The following SLC4A4 variants were observed in gnomAD, a reference collection of about 807,000 sequenced individuals.
The protein encoded by SLC4A4 is solute carrier family 4 member 4, also known as electrogenic sodium bicarbonate cotransporter 1.
SLC4A4 carries 27 observed loss-of-function variants against 111.5 expected under a neutral mutation model. That is an observed-to-expected ratio of 0.24 (90% CI 0.18 to 0.33). The LOEUF (loss-of-function observed/expected upper bound fraction) is 0.33. SLC4A4 is among the 10% of genes least tolerant of loss of function. SLC4A4 has a pLI of 1.00. For missense variants in SLC4A4, 909 were observed against 1,315.5 expected, an observed-to-expected ratio of 0.69 and a Z score of 4.78; for synonymous variants, 443 against 463.4, an observed-to-expected ratio of 0.96 and a Z score of 0.57.
intron 7 of SLC4A4, among the ~76,000 whole-genome samples, chr4:71,398,425 A>G (rs999123834): frequency 1.3e-5 from 2 of 152,214 alleles, no homozygotes; most frequent in Non-Finnish European, 2.9e-5. Flanking sequence ...AGTTGAATGA[A>G]GAGCAATCAG....
chr4:71,484,238 A>T (rs909544528), intron 14 of SLC4A4, among the ~76,000 whole-genome samples: 1 of 151,780 alleles, frequency 6.6e-6, no homozygotes, highest in Non-Finnish European at 1.5e-5. Flanking sequence ...TTTGTCATGA[A>T]ATCTTTTCCC....
At chr4:71,226,398 A>T (rs1560792699) in intron 1 of SLC4A4, among the ~76,000 whole-genome samples, 1 of 152,210 alleles carries the variant, frequency 6.6e-6, no homozygotes, top group African/African-American at 2.4e-5. Flanking sequence ...TTTATTTAGA[A>T]TCAAATATGT....
At chr4:71,437,761 A>G in intron 7 of SLC4A4, 1 of 286,326 alleles carries the variant, frequency 3.5e-6, no homozygotes, top group Non-Finnish European at 6.9e-6. Context: ...GGCAAGTTCA[A>G]GCTTGACAGT....
At chr4:71,073,651 C>T (rs758046631) in intron 1 of SLC4A4, among the ~76,000 whole-genome samples, 22 of 152,042 alleles carry the variant, frequency 1.4e-4, no homozygotes, top group Admixed American at 8.5e-4. Context: ...GTATGTTTCC[C>T]TCCACTGGAA....
At chr4:71,416,624 A>G (rs942139827) in intron 7 of SLC4A4, among the ~76,000 whole-genome samples, 2 of 152,154 alleles carry the variant, frequency 1.3e-5, no homozygotes, top group African/African-American at 2.4e-5. Flanking sequence ...TGAGAATTTA[A>G]TAAGATGATG....
chr4:71,251,864 C>G (rs189205607), intron 2 of SLC4A4, among the ~76,000 whole-genome samples: 24 of 152,102 alleles, frequency 1.6e-4, no homozygotes, highest in African/African-American at 4.3e-4. Flanking sequence ...CTAAAAAGTT[C>G]TGTATAAGAA....
intron 6 of SLC4A4, among the ~76,000 whole-genome samples, chr4:71,363,952 C>G (rs1731025626): frequency 6.6e-6 from 1 of 152,178 alleles, no homozygotes. Context: ...TCATCAGGCA[C>G]CATTCTTATT....
chr4:71,083,612 G>A (rs1329927980), intron 1 of SLC4A4, among the ~76,000 whole-genome samples: 1 of 151,958 alleles, frequency 6.6e-6, no homozygotes. Flanking sequence ...AAAGTTATGA[G>A]CCCTGAAACG....
At chr4:71,419,143 G>C (rs1046463038) in intron 7 of SLC4A4, among the ~76,000 whole-genome samples, 1 of 152,216 alleles carries the variant, frequency 6.6e-6, no homozygotes, top group Non-Finnish European at 1.5e-5. Context: ...GGGGTCAGGG[G>C]TCAGGGACAC....
Position 71,081,430 on chromosome 4 carries a change from C to T in SLC4A4, c.-64-11300C>T, listed in dbSNP as rs539921036. The stretch of plus-strand genomic sequence containing the variant: ...CAATGAAAACTGTGATGCTGTCACA[C>T]TGGTCTCACTGCAGCTGTGCTGGTG... On this transcript the variant is annotated intron_variant, in intron 1 of 26. Coordinates refer to the SLC4A4 transcript ENST00000649996. Among the ~76,000 whole-genome samples, 26 of 152,312 alleles carry T rather than the reference C, an allele frequency of 1.7e-4. No homozygotes were observed. In the South Asian group the frequency reaches 5.2e-3, roughly 30 times the overall value.
At chr4:71,566,902 A>T in intron 24 of SLC4A4, 102 bp from the exon 25 acceptor site, 1 of 860,636 alleles carries the variant, frequency 1.2e-6, no homozygotes, top group Non-Finnish European at 1.9e-6. Context: ...TGTCTTTTTT[A>T]CTCTTACCAG....
intron 9 of SLC4A4, among the ~76,000 whole-genome samples, chr4:71,448,528 G>A (rs893881946): frequency 4.0e-5 from 6 of 151,898 alleles, no homozygotes; most frequent in African/African-American, 1.2e-4. Flanking sequence ...TTCTTATTTC[G>A]TGGGAAGGAA....
intron 1 of SLC4A4, among the ~76,000 whole-genome samples, chr4:71,086,293 G>A (rs1742169655): frequency 6.8e-6 from 1 of 147,600 alleles, no homozygotes; most frequent in South Asian, 2.1e-4. Context: ...ATCAGCTTAA[G>A]GAGATTTTGG....
chr4:71,464,927 C>T (rs980292550), intron 12 of SLC4A4, among the ~76,000 whole-genome samples: 2 of 152,096 alleles, frequency 1.3e-5, no homozygotes, highest in Non-Finnish European at 2.9e-5. Context: ...ACAATTTCTT[C>T]ATAATCATTT....
intron 1 of SLC4A4, among the ~76,000 whole-genome samples, chr4:71,091,183 G>T (rs1207898539): frequency 6.6e-6 from 1 of 151,958 alleles, no homozygotes; most frequent in Admixed American, 6.6e-5. Context: ...CCTGGCCTCA[G>T]GTGATCCACC....
At chr4:71,195,230 G>GT (rs66527038) in intron 1 of SLC4A4, among the ~76,000 whole-genome samples, 4,961 of 92,978 alleles carry the variant, frequency 0.053, 143 homozygotes, top group East Asian at 0.094. Context: ...CTGTATTTGA[G>GT]TTTTTTTTTT....
intron 7 of SLC4A4, among the ~76,000 whole-genome samples, chr4:71,438,858 T>C (rs1449376030): frequency 6.6e-6 from 1 of 152,202 alleles, no homozygotes; most frequent in Admixed American, 6.5e-5. Context: ...AACTACATTT[T>C]CTTTAAGTTG....
intron 18 of SLC4A4, among the ~76,000 whole-genome samples, chr4:71,535,185 C>G (rs916859838): frequency 6.6e-6 from 1 of 152,098 alleles, no homozygotes; most frequent in African/African-American, 2.4e-5. Context: ...TTTTCATAAC[C>G]ACCATATGAG....
rs969235059 is a variant in SLC4A4, at chr4:71,532,280, C to G, written c.2280+105C>G. 1.4e-5 allele frequency: 11 copies of G among 784,682 alleles called. No homozygotes were observed. The African/African-American group carries it at 1.6e-4, about 11-fold the overall frequency. The allele number at this position is 784,682 out of a possible 1,614,324, so 48.6% of individuals were successfully genotyped here. ...TTTGAGTTAGTTTTGTACAATTATC[C>G]ATATTTTTTTTCCAAAATCAGTCCC... is the stretch of plus-strand genomic sequence containing the variant. On this transcript the variant is annotated intron_variant, in intron 17 of 25. Transcript: ENST00000264485.
Sources: allele counts gnomAD v4.1 joint callset (sites outside exome capture counted in the v4.1 genomes callset), GRCh38; gene constraint gnomAD v4.1.1; transcripts MANE v1.5; gene names NCBI Gene and HGNC (gene_info 2026-07-23, HGNC 2026-07-21).